Variants in TENM3 observed in about 807,000 individuals in gnomAD.
TENM3 encodes the protein teneurin-3.
TENM3 carries 63 observed loss-of-function variants against 255.1 expected under a neutral mutation model. The ratio of observed to expected loss-of-function variants is 0.25; its 90% CI spans 0.20 to 0.30. The LOEUF (loss-of-function observed/expected upper bound fraction) is 0.30, where lower values mean the gene tolerates loss of function less well. Among genes scored for constraint, TENM3 ranks in the 10% least tolerant of loss-of-function variants. TENM3 has a pLI of 1.00. For missense variants in TENM3, 2,929 were observed against 3,461.1 expected (o/e 0.85, Z 3.86); for synonymous variants, 1,306 against 1,322.3 (o/e 0.99, Z 0.27).
chr4:181,593,814 A>G, the TENM3 span, among the ~76,000 whole-genome samples: 1 of 152,300 alleles, frequency 6.6e-6, no homozygotes, highest in South Asian at 2.1e-4. Context: ...TATTGATGTG[A>G]CAGTTGGAGG....
At chr4:181,759,079 C>T in the TENM3 span, among the ~76,000 whole-genome samples, 1 of 152,086 alleles carries the variant, frequency 6.6e-6, no homozygotes, top group Non-Finnish European at 1.5e-5. Flanking sequence ...AAATCTACTG[C>T]TTATAACAGT....
At chr4:181,818,927 C>T in the TENM3 span, among the ~76,000 whole-genome samples, 1 of 152,132 alleles carries the variant, frequency 6.6e-6, no homozygotes, top group Non-Finnish European at 1.5e-5. Context: ...TACATATCTC[C>T]TACTGGCTTG....
chr4:181,473,835 G>C, the TENM3 span, among the ~76,000 whole-genome samples: 2 of 142,464 alleles, frequency 1.4e-5, no homozygotes, highest in African/African-American at 5.2e-5. Context: ...TATGTATACT[G>C]TATATATATA....
the TENM3 span, among the ~76,000 whole-genome samples, chr4:182,006,375 A>G: frequency 3.9e-5 from 6 of 152,050 alleles, no homozygotes; most frequent in African/African-American, 2.4e-5. Flanking sequence ...TTTGGTTGGT[A>G]GGTGATTAAT....
the TENM3 span, among the ~76,000 whole-genome samples, chr4:182,095,067 T>C: frequency 6.6e-6 from 1 of 152,140 alleles, no homozygotes; most frequent in African/African-American, 2.4e-5. Context: ...AACCCTACTA[T>C]GCTGTTGGTG....
the TENM3 span, among the ~76,000 whole-genome samples, chr4:181,782,198 G>C: frequency 3.9e-5 from 6 of 152,092 alleles, no homozygotes; most frequent in East Asian, 1.9e-4. Context: ...AGGAATGGTA[G>C]CAGTTCCTCC....
intron 3 of TENM3, among the ~76,000 whole-genome samples, chr4:182,433,540 G>A (rs759864195): frequency 1.3e-5 from 2 of 152,158 alleles, no homozygotes; most frequent in South Asian, 2.1e-4. Flanking sequence ...AGGAAGTGAC[G>A]TGATGTACAG....
the TENM3 span, among the ~76,000 whole-genome samples, chr4:181,686,801 A>G: frequency 6.6e-6 from 1 of 152,192 alleles, no homozygotes; most frequent in Non-Finnish European, 1.5e-5. Flanking sequence ...AAATAAAATA[A>G]TAGACTCCTG....
chr4:182,082,756 G>A, the TENM3 span, among the ~76,000 whole-genome samples: 2,028 of 152,218 alleles, frequency 0.013, 86 homozygotes, highest in Admixed American at 0.085. Flanking sequence ...AATACCAAAG[G>A]TATCTACGAG....
At chr4:182,766,069 T>G (rs986196349) in intron 22 of TENM3, among the ~76,000 whole-genome samples, 1 of 152,144 alleles carries the variant, frequency 6.6e-6, no homozygotes. Flanking sequence ...TCCCACTTAC[T>G]AGAAGCCTGG....
chr4:182,724,523 T>C (rs900212641), intron 13 of TENM3, among the ~76,000 whole-genome samples: 4 of 152,232 alleles, frequency 2.6e-5, no homozygotes, highest in Admixed American at 6.5e-5. Context: ...CTTTCTCTGA[T>C]TGATGTTAGC....
intron 3 of TENM3, among the ~76,000 whole-genome samples, chr4:182,435,581 G>T (rs1446031517): frequency 6.6e-6 from 1 of 152,230 alleles, no homozygotes; most frequent in African/African-American, 2.4e-5. Context: ...GCTGGCATCG[G>T]TGAACAGGCA....
In TENM3 at chr4:182,539,731, T is replaced by C. The variant is rs546463049; in HGVS notation, c.512-61193T>C. Among the ~76,000 whole-genome samples, 3 of 152,366 alleles carry C rather than the reference T, an allele frequency of 2.0e-5. No individual in the cohort carries two copies. In the South Asian group the frequency reaches 6.2e-4, roughly 32 times the overall value. On this transcript the variant is annotated intron_variant, in intron 3 of 27. Transcript: ENST00000511685. ...AATAGTTATTTTAACACTTTCTATG[T>C]GTCATGCACTGTTCTAGGTTCTGGG... is the stretch of plus-strand genomic sequence containing the variant.
intron 3 of TENM3, among the ~76,000 whole-genome samples, chr4:182,372,385 CT>C (rs11326152): frequency 0.36 from 55,276 of 151,994 alleles, 10,578 homozygotes; most frequent in East Asian, 0.67. Context: ...ACACTGACAT[CT>C]TTACAAATTA....
At chr4:182,397,472 T>TGGAGAGTCTA (rs921573512) in intron 3 of TENM3, among the ~76,000 whole-genome samples, 1 of 138,256 alleles carries the variant, frequency 7.2e-6, no homozygotes, top group Non-Finnish European at 1.5e-5. Flanking sequence ...AGGCAATGAA[T>TGGAGAGTCTA]GGAGAGTCTA....
chr4:182,727,271 C>A (rs546426379), intron 13 of TENM3, among the ~76,000 whole-genome samples: 2 of 152,146 alleles, frequency 1.3e-5, no homozygotes, highest in South Asian at 2.1e-4. Context: ...GCCTGGTCAA[C>A]ATGGTGAGAC....
rs765580384 is a variant in TENM3, at chr4:182,244,120, AT to A, written c.-76+650del. 1.3e-5 allele frequency among the ~76,000 whole-genome samples: 2 copies of A among 150,164 alleles called. 1 individual carries two copies. Among genetic ancestry groups the A allele is most frequent in the Non-Finnish European group, 3.0e-5 (2 of 67,458 alleles). ...AGGCGCCCGCCACCACGCCCGGCTA[AT>A]TTTTTGTATTTTTAGTAGAGACGGG... On this transcript the variant is annotated intron_variant, in intron 1 of 27. Transcript: ENST00000511685.
At chr4:182,090,870 A>T in the TENM3 span, among the ~76,000 whole-genome samples, 1 of 152,226 alleles carries the variant, frequency 6.6e-6, no homozygotes, top group African/African-American at 2.4e-5. Context: ...TCTTCTCTAG[A>T]GAAATAATAA....
chr4:182,598,680 T>C (rs1747528477), intron 3 of TENM3, among the ~76,000 whole-genome samples: 1 of 152,218 alleles, frequency 6.6e-6, no homozygotes, highest in Non-Finnish European at 1.5e-5. Context: ...ACGTAGCAGA[T>C]TCCTGGAATA....
Sources: gnomAD v4.1 joint callset for allele counts (sites outside exome capture counted in the v4.1 genomes callset) on GRCh38, gnomAD v4.1.1 for gene constraint, MANE v1.5 for transcripts, NCBI Gene and HGNC (gene_info 2026-07-23, HGNC 2026-07-21) for gene names.